Variants in GMPR observed in about 807,000 individuals in gnomAD.
GMPR encodes the protein GMP reductase 1.
A neutral mutation model predicts 38.4 loss-of-function variants in GMPR; 31 were observed. That is an observed-to-expected ratio of 0.81 (90% CI 0.61 to 1.09). The LOEUF is 1.09. Among genes scored for constraint, GMPR ranks in the 50% least tolerant of loss-of-function variants. The pLI, the probability that GMPR is intolerant of heterozygous loss-of-function variation, is 0.00. For synonymous variants in GMPR, 162 were observed against 173.3 expected, an observed-to-expected ratio of 0.93 and a Z score of 0.51; for missense variants, 468 against 453.7, an observed-to-expected ratio of 1.03 and a Z score of -0.29.
chr6:16,246,797 G>C, intron 1 of GMPR, 45 bp from the exon 2 acceptor site: 1 of 1,590,086 alleles, frequency 6.3e-7, no homozygotes, highest in Non-Finnish European at 8.6e-7. Flanking sequence ...TAAGAGCAAA[G>C]CACTCATTTC....
rs770790368 is a variant in GMPR at position 16,267,224 on chromosome 6, T to C, written c.466-7191T>C. On this transcript the variant is annotated intron_variant, in intron 4 of 8. Transcript: ENST00000259727. ...TAAAAGTACAAAAAAAAGAAAAAAT[T>C]AGTCGGGTGCAGTGGCGGGCGCCTG... Among the ~76,000 whole-genome samples the C allele has an allele frequency of 1.6e-4, 24 of 152,098 alleles. 1 individual carries two copies. The highest frequency in any genetic ancestry group is 6.8e-3 in the Middle Eastern group (2 of 294).
At chr6:16,244,538 T>A (rs1758720697) in intron 1 of GMPR, among the ~76,000 whole-genome samples, 2 of 152,060 alleles carry the variant, frequency 1.3e-5, no homozygotes, top group African/African-American at 4.8e-5. Context: ...CCCTGACATG[T>A]TGGGTGGCAG....
chr6:16,289,280 G>T (rs772805136), intron 7 of GMPR, among the ~76,000 whole-genome samples: 2 of 152,206 alleles, frequency 1.3e-5, no homozygotes, highest in African/African-American at 4.8e-5. Flanking sequence ...CTTCATTCTT[G>T]AAGTCAGTGA....
chr6:16,260,273 A>C lies in GMPR; in HGVS notation c.465+5538A>C, dbSNP rs565694199. Among the ~76,000 whole-genome samples the C allele has an allele frequency of 5.6e-3, 853 of 152,128 alleles. 13 individuals carry two copies. The highest frequency in any genetic ancestry group is 0.019 in the African/African-American group (808 of 41,556). On this transcript the variant is annotated intron_variant, in intron 4 of 8. Coordinates refer to ENST00000259727, the MANE Select transcript of GMPR (RefSeq NM_006877.4). ...GGATATAAAGGTTTCACTGAATACT[A>C]AGAGCCTGAAAAACTGCTTGGCTGA... is the stretch of plus-strand genomic sequence containing the variant.
intron 4 of GMPR, among the ~76,000 whole-genome samples, chr6:16,265,997 AAC>A (rs916247609): frequency 2.6e-5 from 4 of 152,170 alleles, no homozygotes; most frequent in African/African-American, 9.7e-5. Context: ...TAAGAGCTGT[AAC>A]ACTCACCGTG....
intron 6 of GMPR, among the ~76,000 whole-genome samples, chr6:16,285,553 G>A (rs1364291810): frequency 1.3e-5 from 2 of 152,232 alleles, no homozygotes; most frequent in Non-Finnish European, 2.9e-5. Flanking sequence ...TGGGCAGTGG[G>A]TGGTGCCAGC....
At chr6:16,260,929 A>G (rs1285039864) in intron 4 of GMPR, among the ~76,000 whole-genome samples, 14 of 152,080 alleles carry the variant, frequency 9.2e-5, no homozygotes, top group East Asian at 1.9e-4. Context: ...AAGAGTGAGT[A>G]CAGCTGAAGG....
chr6:16,251,287 G>A (rs968575384), intron 3 of GMPR, among the ~76,000 whole-genome samples: 2 of 152,084 alleles, frequency 1.3e-5, no homozygotes, highest in Non-Finnish European at 2.9e-5. Context: ...AAAGCCAGAC[G>A]CAGCCCGGCG....
At chr6:16,274,880 T>C (rs557405984) in intron 5 of GMPR, among the ~76,000 whole-genome samples, 2 of 152,300 alleles carry the variant, frequency 1.3e-5, no homozygotes, top group East Asian at 3.9e-4. Context: ...TTTATGTGAA[T>C]GTTTGAGGGA....
chr6:16,241,214 G>T (rs1372072888), intron 1 of GMPR, among the ~76,000 whole-genome samples: 1 of 152,144 alleles, frequency 6.6e-6, no homozygotes, highest in Non-Finnish European at 1.5e-5. Flanking sequence ...GAAAGAGAAC[G>T]TACACCCTGG....
intron 6 of GMPR, among the ~76,000 whole-genome samples, chr6:16,285,039 A>AC (rs1581665184): frequency 6.6e-6 from 1 of 151,650 alleles, no homozygotes; most frequent in East Asian, 1.9e-4. Flanking sequence ...AAAACAAAAA[A>AC]AAAAAAACAG....
At chr6:16,264,422 G>A (rs1416291953) in intron 4 of GMPR, 5 of 208,216 alleles carry the variant, frequency 2.4e-5, no homozygotes, top group Middle Eastern at 1.8e-3. Flanking sequence ...GCAAAGAGCA[G>A]GAGGACAGGG....
rs1243272676 is a variant in GMPR, at chr6:16,273,342, A to G, written c.466-1073A>G. ...AAATATGACTTTGCACAGTTGTGAAAACTCAGCCAGGGCATCTTGCCAAGT... is the reference window on the plus strand; with the variant it reads ...AAATATGACTTTGCACAGTTGTGAAGACTCAGCCAGGGCATCTTGCCAAGT... On this transcript the variant is annotated intron_variant, in intron 4 of 8. Transcript: ENST00000259727. 2.6e-5 allele frequency among the ~76,000 whole-genome samples: 4 copies of G among 152,368 alleles called. No homozygotes were observed. The East Asian group carries it at 7.7e-4, about 29-fold the overall frequency.
chr6:16,289,155 C>G (rs187406058), intron 7 of GMPR, among the ~76,000 whole-genome samples: 2 of 152,168 alleles, frequency 1.3e-5, no homozygotes, highest in Non-Finnish European at 2.9e-5. Context: ...TGCTATTTGC[C>G]GGGAAGGTCT....
At chr6:16,254,437 G>A (rs1433438514) in intron 3 of GMPR, 125 bp from the exon 4 acceptor site, 4 of 726,708 alleles carry the variant, frequency 5.5e-6, no homozygotes, top group Non-Finnish European at 9.6e-6. Flanking sequence ...GGTGCACTGT[G>A]CATTTGATTA....
chr6:16,267,171 G>T (rs962576480), intron 4 of GMPR, among the ~76,000 whole-genome samples: 8 of 152,078 alleles, frequency 5.3e-5, no homozygotes, highest in Non-Finnish European at 1.2e-4. Flanking sequence ...TGACCATCCT[G>T]GCTAACACGG....
At position 16,295,222 on chromosome 6, in the gene GMPR, G is replaced by A. The variant is rs369520467; in HGVS notation, c.*36G>A. 18 of 1,459,436 alleles carry A rather than the reference G, an allele frequency of 1.2e-5. No individual in the cohort carries two copies. Among genetic ancestry groups the A allele is most frequent in the Admixed American group, 2.6e-5 (1 of 38,548 alleles). 90.4% of individuals were successfully genotyped at this position (1,459,436 alleles called of 1,614,324 possible). ...AAAGCAGCGTCTGGCTCGAGTGGAA[G>A]CGTCCAAACCTGCTTTTCCCATCTC... On this transcript the variant is annotated 3_prime_UTR_variant, in exon 9 of 9. Coordinates refer to ENST00000259727, the MANE Select transcript of GMPR (RefSeq NM_006877.4).
chr6:16,260,785 A>C (rs1759068578), intron 4 of GMPR, among the ~76,000 whole-genome samples: 1 of 151,914 alleles, frequency 6.6e-6, no homozygotes, highest in Non-Finnish European at 1.5e-5. Flanking sequence ...CAAAGAAGGA[A>C]ATATGGGGAA....
At chr6:16,288,137 G>A (rs775195646) in intron 7 of GMPR, among the ~76,000 whole-genome samples, 3 of 152,252 alleles carry the variant, frequency 2.0e-5, no homozygotes, top group Non-Finnish European at 4.4e-5. Flanking sequence ...TCCTCTGCCT[G>A]GGCTCCCACT....
Sources: gnomAD v4.1 joint callset for allele counts (sites outside exome capture counted in the v4.1 genomes callset) on GRCh38, gnomAD v4.1.1 for gene constraint, MANE v1.5 for transcripts, NCBI Gene and HGNC (gene_info 2026-07-23, HGNC 2026-07-21) for gene names.